HERC1: variants seen among roughly 807,000 people sequenced by gnomAD.
The protein encoded by HERC1 is probable E3 ubiquitin-protein ligase HERC1.
HERC1 carries 160 observed loss-of-function variants against 554.3 expected under a neutral mutation model. The observed-to-expected ratio is 0.29, with a 90% CI of 0.25 to 0.33. HERC1 has a LOEUF of 0.33. Ranked by LOEUF, HERC1 falls within the 10% of genes least tolerant of loss-of-function variation. The pLI is 1.00. For synonymous variants in HERC1, 2,175 were observed against 2,131.7 expected, an observed-to-expected ratio of 1.02 and a Z score of -0.56; for missense variants, 4,919 against 5,918.5, an observed-to-expected ratio of 0.83 and a Z score of 5.54.
intron 14 of HERC1, among the ~76,000 whole-genome samples, chr15:63,732,530 T>C (rs1271297122): frequency 6.6e-6 from 1 of 152,206 alleles, no homozygotes; most frequent in Non-Finnish European, 1.5e-5. Context: ...GGCATACTAA[T>C]ACAGGGAAAG....
chr15:63,663,112 TA>T lies in HERC1; in HGVS notation c.8772del (p.Phe2924LeufsTer3). 6.2e-7 allele frequency: 1 copy of T among 1,613,964 alleles called. No homozygotes were observed. ...LQQDPGALYD[F>X]NLDEELEIDL... is the part of the protein sequence containing the mutation. ...TCAATTTCCAATTCCTCATCTAAATTAAAGTCATACAACGCCCCTGGGTCTT... is the reference window on the plus strand; with the variant it reads ...TCAATTTCCAATTCCTCATCTAAATTAAGTCATACAACGCCCCTGGGTCTT... On this transcript the variant is annotated frameshift_variant, in exon 44 of 78. Coordinates refer to ENST00000443617, the MANE Select transcript of HERC1 (RefSeq NM_003922.4). LOFTEE classifies it high-confidence loss of function.
At chr15:63,697,737 G>A (rs758563546) in intron 26 of HERC1, among the ~76,000 whole-genome samples, 1 of 152,128 alleles carries the variant, frequency 6.6e-6, no homozygotes, top group Non-Finnish European at 1.5e-5. Flanking sequence ...TTACAGGAGT[G>A]AGCCACCGCG....
At chr15:63,635,887 C>G (rs918712494) in intron 65 of HERC1, 74 bp downstream of exon 65, 9 of 1,439,902 alleles carry the variant, frequency 6.3e-6, no homozygotes, top group Admixed American at 2.0e-5. Context: ...TTTTCTGTTA[C>G]CTAATTTTAA....
At chr15:63,642,500 G>A (rs958038262) in intron 59 of HERC1, among the ~76,000 whole-genome samples, 10 of 152,084 alleles carry the variant, frequency 6.6e-5, no homozygotes, top group Non-Finnish European at 1.0e-4. Context: ...ACCACGCCTG[G>A]CTAATTTTTG....
In HERC1 at chr15:63,680,503, G is replaced by C; in HGVS notation, c.6465+34C>G. 1.2e-6 allele frequency: 2 copies of C among 1,605,030 alleles called. No homozygotes were observed. The highest frequency in any genetic ancestry group is 1.1e-5 in the South Asian group (1 of 89,748). On this transcript the variant is annotated intron_variant, in intron 35 of 77. Coordinates refer to ENST00000443617, the MANE Select transcript of HERC1 (RefSeq NM_003922.4). This position sits in a 1 kb window ranked among gnomAD's most constrained non-coding sequence, Gnocchi z 5.8. ...CCGAGTTGACTATAAATAGAAACAA[G>C]AAAAATGTAATGCTTGTGAATGGGT...
Position 63,654,203 on chromosome 15 carries a change from G to T in HERC1, c.10206C>A (p.Asn3402Lys). The T allele has an allele frequency of 2.5e-6, 4 of 1,614,022 alleles. No individual in the cohort carries two copies. Among genetic ancestry groups the T allele is most frequent in the Non-Finnish European group, 3.4e-6 (4 of 1,179,878 alleles). ...CAGCAAGTGTCTGCAGAGTAGTTTGGTTGTCACGGTCGTGTGCAGCAAGAG... is the reference window on the plus strand; with the variant it reads ...CAGCAAGTGTCTGCAGAGTAGTTTGTTTGTCACGGTCGTGTGCAGCAAGAG... Reference protein sequence around the residue: ...VRTLAAHDRDNQTTLQTLADM... With the variant: ...VRTLAAHDRDKQTTLQTLADM... Residue 3402 changes from asparagine to lysine, a missense_variant, in exon 51 of 78, where the codon AAC (asparagine) becomes AAA (lysine). By Grantham distance (94) the Asn-to-Lys change is moderately conservative (BLOSUM62 0). Around this residue, in one of 11 missense-constraint regions of HERC1, gnomAD observed 1,963 missense variants for 2,228.6 expected, o/e 0.88. Coordinates refer to ENST00000443617, the MANE Select transcript of HERC1 (RefSeq NM_003922.4).
chr15:63,808,223 A>G (rs2077191778), intron 1 of HERC1, among the ~76,000 whole-genome samples: 1 of 152,040 alleles, frequency 6.6e-6, no homozygotes, highest in South Asian at 2.1e-4. Context: ...TTTGTTTTCA[A>G]TGTAATGATT....
intron 37 of HERC1, among the ~76,000 whole-genome samples, chr15:63,676,317 G>C (rs2071203149): frequency 6.6e-6 from 1 of 151,802 alleles, no homozygotes; most frequent in Admixed American, 6.6e-5. Flanking sequence ...TTCTTAGCTT[G>C]GTAGAATGGA....
Position 63,674,327 on chromosome 15 carries a change from AAT to A in HERC1, c.7846+13_7846+14del. 1 of 1,554,254 alleles carries A rather than the reference AAT, an allele frequency of 6.4e-7. No individual in the cohort carries two copies. The highest frequency in any genetic ancestry group is 1.2e-5 in the South Asian group (1 of 81,646). Reference sequence around the variant, plus strand: ...ACAGCACAAAAGCAAAAAAAAAAAAAATCAGATAACATACCTTGCTTAATTTT... The same window carrying A: ...ACAGCACAAAAGCAAAAAAAAAAAAACAGATAACATACCTTGCTTAATTTT... On this transcript the variant is annotated intron_variant, in intron 38 of 77. Transcript: ENST00000443617.
Position 63,674,496 on chromosome 15 carries a change from C to G in HERC1, c.7692G>C (p.Gln2564His). 1 of 1,613,826 alleles carries G rather than the reference C, an allele frequency of 6.2e-7. No homozygotes were observed. Among genetic ancestry groups the G allele is most frequent in the Non-Finnish European group, 8.5e-7 (1 of 1,179,830 alleles). ...GCTTCACCATGTGTCGCATCAAGAA[C>G]TGCAGGGCTGCTCGCATCTCCACGT... The part of the protein sequence containing the change: ...HEDVEMRAAL[Q>H]FLMRHMVKRA... The change falls in exon 38 of 78, where the codon CAG becomes CAC. Residue 2564 changes from glutamine to histidine, a missense_variant. Gln to His is a conservative substitution (Grantham distance 24, BLOSUM62 0). Around this residue, in one of 11 missense-constraint regions of HERC1, gnomAD observed 1,963 missense variants for 2,228.6 expected, o/e 0.88. Coordinates refer to ENST00000443617, the MANE Select transcript of HERC1 (RefSeq NM_003922.4).
intron 25 of HERC1, among the ~76,000 whole-genome samples, chr15:63,703,733 A>C (rs1241754335): frequency 6.6e-6 from 1 of 151,960 alleles, no homozygotes; most frequent in Non-Finnish European, 1.5e-5. Context: ...AAATAAAAAA[A>C]TATATAAAAT....
At chr15:63,770,628 T>C (rs1006619403) in intron 2 of HERC1, among the ~76,000 whole-genome samples, 66 of 152,234 alleles carry the variant, frequency 4.3e-4, no homozygotes, top group African/African-American at 1.5e-3. Context: ...ACCAAATTCA[T>C]TACATATGTG....
chr15:63,617,458 G>A (rs543324693), intron 74 of HERC1, among the ~76,000 whole-genome samples: 94 of 152,218 alleles, frequency 6.2e-4, no homozygotes, highest in Non-Finnish European at 1.1e-3. Context: ...GAATAGTGCC[G>A]CAATAAACAT....
Position 63,651,353 on chromosome 15 carries a change from T to G in HERC1, c.10446A>C (p.Gly3482=). 6.2e-7 allele frequency: 1 copy of G among 1,613,684 alleles called. No individual in the cohort carries two copies. Among genetic ancestry groups the G allele is most frequent in the Admixed American group, 1.7e-5 (1 of 60,010 alleles). Residue 3482 remains glycine (G), a synonymous_variant, in exon 53 of 78, where the codon GGA becomes GGC. Transcript: ENST00000443617. The stretch of plus-strand genomic sequence containing the variant: ...GTGAGAAACTTGGATCACTGGGTGA[T>G]CCCAGGCTTTCCTCAGCATCCCCTT... ...RLEGDAEESL[G]SPSDPSFSPV... is the part of the protein sequence containing the mutation.
At chr15:63,768,369 G>A (rs754070542) in intron 2 of HERC1, among the ~76,000 whole-genome samples, 1 of 152,232 alleles carries the variant, frequency 6.6e-6, no homozygotes, top group African/African-American at 2.4e-5. Flanking sequence ...GCTATTGTCT[G>A]TGGCTCACAC....
At chr15:63,639,821 C>A (rs1170442919) in intron 61 of HERC1, among the ~76,000 whole-genome samples, 2 of 152,108 alleles carry the variant, frequency 1.3e-5, no homozygotes, top group Non-Finnish European at 2.9e-5. Context: ...ATATAACCCA[C>A]AAGATGACCA....
chr15:63,779,756 C>T (rs2076225860), intron 1 of HERC1: 1 of 152,140 alleles, frequency 6.6e-6, no homozygotes, highest in Non-Finnish European at 1.5e-5. Context: ...TGGCTCACGC[C>T]TGTAATCCCA....
Position 63,775,015 on chromosome 15 carries a change from C to G in HERC1, c.609G>C (p.Leu203Phe). Residue 203 changes from leucine (L) to phenylalanine (F), a missense_variant, in exon 2 of 78, where the codon TTG becomes TTC. Around this residue, in one of 11 missense-constraint regions of HERC1, gnomAD observed 744 missense variants for 1,090.0 expected, o/e 0.68. Transcript: ENST00000443617. This position sits in a 1 kb window ranked among gnomAD's most constrained non-coding sequence, Gnocchi z 4.0. ...IHTAIEVVSS[L>F]PPLSLANESK... ...TTTCATTTGCTAATGATAATGGTGG[C>G]AAAGAGCTCACAACTTCAATTGCAG... 3.1e-6 allele frequency: 5 copies of G among 1,613,978 alleles called. No individual in the cohort carries two copies. Among genetic ancestry groups the G allele is most frequent in the Non-Finnish European group, 4.2e-6 (5 of 1,179,856 alleles).
intron 8 of HERC1, 56 bp downstream of exon 8, chr15:63,752,902 A>G (rs755766177): frequency 2.1e-6 from 3 of 1,459,696 alleles, no homozygotes; most frequent in African/African-American, 2.8e-5. Context: ...ATTACTTTTT[A>G]GTCACCTAAT....
Sources: allele counts gnomAD v4.1 joint callset (sites outside exome capture counted in the v4.1 genomes callset), GRCh38; gene constraint gnomAD v4.1.1; regional missense constraint gnomAD v4.1.1; non-coding constraint Gnocchi (gnomAD v3.1); transcripts MANE v1.5; gene names NCBI Gene and HGNC (gene_info 2026-07-23, HGNC 2026-07-21).